Variants in SLC4A4 observed in about 807,000 individuals in gnomAD.
SLC4A4 encodes the protein electrogenic sodium bicarbonate cotransporter 1.
Under a neutral mutation model 111.5 loss-of-function variants are expected in SLC4A4, and 27 were observed. The ratio of observed to expected loss-of-function variants is 0.24; its 90% confidence interval spans 0.18 to 0.33. SLC4A4 has a LOEUF of 0.33. SLC4A4 is among the 10% of genes least tolerant of loss of function. The probability of loss-of-function intolerance (pLI) is 1.00; values close to 1 mark genes in which losing one functional copy is unlikely to be tolerated. For missense variants in SLC4A4, 909 were observed against 1,315.5 expected (o/e 0.69, Z 4.78); for synonymous variants, 443 against 463.4 (o/e 0.96, Z 0.57).
intron 2 of SLC4A4, among the ~76,000 whole-genome samples, chr4:71,156,588 G>GCGCGCGCGCACACACACACACA (rs376043069): frequency 7.2e-6 from 1 of 138,512 alleles, no homozygotes; most frequent in Non-Finnish European, 1.5e-5. Flanking sequence ...GCGCGCGCGC[G>GCGCGCGCGCACACACACACACA]CACACACACA....
chr4:71,091,422 T>G (rs551122323), intron 1 of SLC4A4, among the ~76,000 whole-genome samples: 38 of 152,080 alleles, frequency 2.5e-4, no homozygotes, highest in Non-Finnish European at 5.1e-4. Context: ...TTGGCTAATT[T>G]TTTTGTATTT....
intron 1 of SLC4A4, among the ~76,000 whole-genome samples, chr4:71,074,508 G>T (rs1741754717): frequency 1.3e-5 from 2 of 151,788 alleles, no homozygotes; most frequent in Non-Finnish European, 2.9e-5. Context: ...AACACAGCAA[G>T]GTCTTTCAAA....
At chr4:71,513,987 C>T (rs1339482909) in intron 16 of SLC4A4, among the ~76,000 whole-genome samples, 1 of 152,196 alleles carries the variant, frequency 6.6e-6, no homozygotes, top group Non-Finnish European at 1.5e-5. Flanking sequence ...ATAAATCCCA[C>T]TTAATTGTGG....
At chr4:71,323,788 G>T (rs1192317877) in intron 3 of SLC4A4, among the ~76,000 whole-genome samples, 1 of 151,788 alleles carries the variant, frequency 6.6e-6, no homozygotes, top group Non-Finnish European at 1.5e-5. Context: ...TCCTGGTTTT[G>T]TTTTCACTAC....
chr4:71,358,644 T>C (rs980541402), intron 6 of SLC4A4, among the ~76,000 whole-genome samples: 2 of 152,160 alleles, frequency 1.3e-5, no homozygotes, highest in African/African-American at 4.8e-5. Context: ...AGTTTGATGG[T>C]TCTACTGTTA....
At chr4:71,089,435 G>C (rs1277043459) in intron 1 of SLC4A4, among the ~76,000 whole-genome samples, 1 of 152,048 alleles carries the variant, frequency 6.6e-6, no homozygotes, top group Non-Finnish European at 1.5e-5. Context: ...TTCCATTGCT[G>C]GTGAGGAGCT....
intron 3 of SLC4A4, among the ~76,000 whole-genome samples, chr4:71,315,276 A>G (rs551511535): frequency 5.8e-4 from 88 of 152,106 alleles, no homozygotes; most frequent in African/African-American, 2.1e-3. Context: ...GTCCAGAGTT[A>G]CTCTCCTAAT....
At chr4:71,129,003 T>C (rs1184071760) in intron 2 of SLC4A4, among the ~76,000 whole-genome samples, 1 of 152,118 alleles carries the variant, frequency 6.6e-6, no homozygotes, top group Non-Finnish European at 1.5e-5. Flanking sequence ...CCTAAAACTA[T>C]AAAAACCGTG....
intron 6 of SLC4A4, among the ~76,000 whole-genome samples, chr4:71,359,300 A>G (rs1393284737): frequency 1.3e-5 from 2 of 152,204 alleles, no homozygotes; most frequent in Non-Finnish European, 2.9e-5. Flanking sequence ...GCAAATAGGA[A>G]GGGTATGCAG....
At chr4:71,219,989 C>G (rs1442097760) in intron 1 of SLC4A4, among the ~76,000 whole-genome samples, 2 of 152,168 alleles carry the variant, frequency 1.3e-5, no homozygotes, top group Non-Finnish European at 2.9e-5. Context: ...ATGCTGTGAA[C>G]ATTGTTGACA....
chr4:71,549,042 A>T (rs757515310), intron 20 of SLC4A4, among the ~76,000 whole-genome samples: 48 of 151,936 alleles, frequency 3.2e-4, no homozygotes, highest in Non-Finnish European at 5.3e-4. Flanking sequence ...GGAAATATGT[A>T]TCTCATCTTA....
chr4:71,166,577 T>TA (rs1330970541), intron 2 of SLC4A4, among the ~76,000 whole-genome samples: 1 of 152,210 alleles, frequency 6.6e-6, no homozygotes, highest in Non-Finnish European at 1.5e-5. Flanking sequence ...TCTGTGAACT[T>TA]AGAGGTATCT....
chr4:71,154,720 A>C (rs1744411295), intron 2 of SLC4A4, among the ~76,000 whole-genome samples: 1 of 152,240 alleles, frequency 6.6e-6, no homozygotes, highest in African/African-American at 2.4e-5. Flanking sequence ...AGTCAGGAGA[A>C]TAAACGTCAT....
intron 2 of SLC4A4, among the ~76,000 whole-genome samples, chr4:71,181,487 T>A (rs1028004541): frequency 2.6e-5 from 4 of 152,204 alleles, no homozygotes; most frequent in African/African-American, 9.6e-5. Flanking sequence ...CACGAGATGC[T>A]TTATGCACAT....
chr4:71,417,999 A>T (rs1441457541), intron 7 of SLC4A4, among the ~76,000 whole-genome samples: 1 of 152,222 alleles, frequency 6.6e-6, no homozygotes, highest in Non-Finnish European at 1.5e-5. Flanking sequence ...TAAGAATTCC[A>T]GTAACATAGT....
intron 24 of SLC4A4, among the ~76,000 whole-genome samples, chr4:71,565,923 A>G (rs894502498): frequency 1.3e-5 from 2 of 151,842 alleles, no homozygotes; most frequent in Non-Finnish European, 2.9e-5. Context: ...GTGATAAAAG[A>G]GAAAGAAACC....
In SLC4A4 at chr4:71,201,732, TC is replaced by T. The variant is rs2055741221; in HGVS notation, c.-2+14333del. ...GTGAGTCTGAAAGCTGTTAATACTC[TC>T]CTTATTTTTTTAAATTTTCTTTGCA... On this transcript the variant is annotated intron_variant, in intron 1 of 25. Transcript: ENST00000264485. 3.3e-5 allele frequency among the ~76,000 whole-genome samples: 5 copies of T among 152,216 alleles called. No individual in the cohort carries two copies. In the South Asian group the frequency reaches 1.0e-3, roughly 32 times the overall value.
intron 2 of SLC4A4, among the ~76,000 whole-genome samples, chr4:71,132,308 G>C (rs538198164): frequency 1.3e-5 from 2 of 152,174 alleles, no homozygotes; most frequent in East Asian, 3.9e-4. Flanking sequence ...CATGTTGACG[G>C]GGGCTCTAAA....
chr4:71,348,227 G>A (rs1376488556), intron 4 of SLC4A4, among the ~76,000 whole-genome samples: 2 of 152,020 alleles, frequency 1.3e-5, no homozygotes, highest in East Asian at 3.9e-4. Context: ...TTCTTTGAGT[G>A]TGATATAAAA....
Sources: allele counts gnomAD v4.1 joint callset (sites outside exome capture counted in the v4.1 genomes callset), GRCh38; gene constraint gnomAD v4.1.1; transcripts MANE v1.5; gene names NCBI Gene and HGNC (gene_info 2026-07-23, HGNC 2026-07-21).